The following HECTD3 variants were observed in gnomAD, a reference collection of about 807,000 sequenced individuals.
The protein encoded by HECTD3 is HECT domain E3 ubiquitin protein ligase 3.
A neutral mutation model predicts 109.3 loss-of-function variants in HECTD3; 72 were observed. The ratio of observed to expected loss-of-function variants is 0.66; its 90% CI spans 0.54 to 0.80. The LOEUF (loss-of-function observed/expected upper bound fraction) is 0.80. Ranked by LOEUF, HECTD3 falls within the 30% of genes least tolerant of loss-of-function variation. HECTD3 has a pLI of 0.00. For missense variants in HECTD3, 1,041 were observed against 1,165.2 expected, an observed-to-expected ratio of 0.89 and a Z score of 1.55; for synonymous variants, 481 against 471.8, an observed-to-expected ratio of 1.02 and a Z score of -0.25.
In HECTD3 at chr1:45,007,260, G is replaced by A. The variant is rs372649829; in HGVS notation, c.1515C>T (p.Gly505=). The A allele has an allele frequency of 4.3e-6, 7 of 1,613,402 alleles. No homozygotes were observed. In the African/African-American group the frequency reaches 6.7e-5, roughly 15 times the overall value. Residue 505 remains glycine, a synonymous_variant, in exon 11 of 21, where the codon GGC becomes GGT. Coordinates refer to ENST00000372172, the MANE Select transcript of HECTD3 (RefSeq NM_024602.6). ...TTTCATATTTGTCAGAGGGCTTGAG[G>A]CCTTCATATACCTGGAGGCAAGGAG... ...KNAVFTQVYE[G]LKPSDKYEKP... is the part of the protein sequence containing the mutation.
At chr1:45,007,370 C>T in intron 10 of HECTD3, 43 bp downstream of exon 10, 6 of 1,611,174 alleles carry the variant, frequency 3.7e-6, no homozygotes, top group South Asian at 1.1e-5. Context: ...CCCCCTTGGC[C>T]CTTGACTGAT....
chr1:45,010,676 C>G lies in HECTD3; in HGVS notation c.400G>C (p.Gly134Arg), dbSNP rs901783974. The G allele has an allele frequency of 1.9e-6, 3 of 1,574,558 alleles. No individual in the cohort carries two copies. The highest frequency in any genetic ancestry group is 2.6e-6 in the Non-Finnish European group (3 of 1,165,014). ...EQLAEHLGDC[G>R]LQEGWLLVCR... ...ACCAGCAGCCAGCCTTCCTGCAGCC[C>G]GCAGTCGCCCAGGTGCTCTGCCAGC... Residue 134 changes from glycine to arginine, a missense_variant, in exon 2 of 21, where the codon GGG (glycine) becomes CGG (arginine). Physicochemically the swap from Gly to Arg is moderately radical, Grantham distance 125. Coordinates refer to ENST00000372172, the MANE Select transcript of HECTD3 (RefSeq NM_024602.6).
chr1:45,004,167 G>A, intron 17 of HECTD3, 33 bp from the exon 18 acceptor site: 1 of 1,614,126 alleles, frequency 6.2e-7, no homozygotes, highest in East Asian at 2.2e-5. Context: ...TCATTCTTGG[G>A]TCTCATCTTG....
intron 9 of HECTD3, 43 bp from the exon 10 acceptor site, chr1:45,007,638 A>G: frequency 6.4e-7 from 1 of 1,557,956 alleles, no homozygotes. Flanking sequence ...GTGGGCAGTC[A>G]GCCTCCGTCC....
intron 18 of HECTD3, 41 bp downstream of exon 18, chr1:45,004,019 A>C (rs1416819765): frequency 1.2e-6 from 2 of 1,613,390 alleles, no homozygotes; most frequent in African/African-American, 2.7e-5. Context: ...ACTCAGCAGC[A>C]GAGTCCAAAC....
At position 45,005,899 on chromosome 1, in the gene HECTD3, T is replaced by G; in HGVS notation, c.1846-16A>C. On this transcript the variant is annotated splice_polypyrimidine_tract_variant and intron_variant, in intron 14 of 20. Coordinates refer to ENST00000372172, the MANE Select transcript of HECTD3 (RefSeq NM_024602.6). Reference sequence around the variant, plus strand: ...GGGCCAGGACCTGTGTGACAAACACTCCCCACTGTCTTCTCACCCTGAGCT... The same window carrying G: ...GGGCCAGGACCTGTGTGACAAACACGCCCCACTGTCTTCTCACCCTGAGCT... 6.2e-7 allele frequency: 1 copy of G among 1,604,222 alleles called. No individual in the cohort carries two copies. Among genetic ancestry groups the G allele is most frequent in the Non-Finnish European group, 8.5e-7 (1 of 1,175,166 alleles).
chr1:45,007,122 G>A lies in HECTD3; in HGVS notation c.1556+97C>T, dbSNP rs558890611. 41 of 1,479,618 alleles carry A rather than the reference G, an allele frequency of 2.8e-5. No individual in the cohort carries two copies. The South Asian group carries it at 4.7e-4, about 17-fold the overall frequency. 91.7% of individuals were successfully genotyped at this position (1,479,618 alleles called of 1,614,324 possible). On this transcript the variant is annotated intron_variant, in intron 11 of 20. Transcript: ENST00000372172. The stretch of plus-strand genomic sequence containing the variant: ...GCAGTCATGGCGAGGGGTGCCTCGA[G>A]CAGTTGTGTGTGTGTGTGTGTGTGT...
At chr1:45,007,308 G>T in intron 10 of HECTD3, 37 bp from the exon 11 acceptor site, 1 of 1,607,700 alleles carries the variant, frequency 6.2e-7, no homozygotes, top group South Asian at 1.1e-5. Context: ...AGGAAAGCAA[G>T]ACCTGGCCCT....
intron 9 of HECTD3, among the ~76,000 whole-genome samples, 189 bp downstream of exon 9, chr1:45,008,051 T>C: frequency 6.6e-6 from 1 of 152,222 alleles, no homozygotes; most frequent in East Asian, 1.9e-4. Flanking sequence ...CACTCTGGAA[T>C]ACCAAGGAGG....
chr1:45,008,204 G>A, intron 9 of HECTD3, 36 bp downstream of exon 9: 1 of 1,528,006 alleles, frequency 6.5e-7, no homozygotes, highest in South Asian at 1.1e-5. Context: ...GCAGGAAGGG[G>A]AAATGCCAAG....
At position 45,010,953 on chromosome 1, in the gene HECTD3, G is replaced by C. The variant is rs763048738; in HGVS notation, c.305C>G (p.Ala102Gly). 1 of 1,536,272 alleles carries C rather than the reference G, an allele frequency of 6.5e-7. No individual in the cohort carries two copies. The highest frequency in any genetic ancestry group is 8.7e-7 in the Non-Finnish European group (1 of 1,154,636). ...CTCCTCGCCCGTGGTGCGCACGCAG[G>C]CGCCGCGCCGGAGCTCAATGCTGTC... ...ARDSIELRRG[A>G]CVRTTGEELC... is the part of the protein sequence containing the mutation. Residue 102 changes from alanine (A) to glycine (G), a missense_variant, in exon 1 of 21, where the codon GCC (alanine) becomes GGC (glycine). By Grantham distance (60) the Ala-to-Gly change is moderately conservative. Transcript: ENST00000372172.
chr1:45,010,480 G>T (rs1644778780), intron 2 of HECTD3, 66 bp downstream of exon 2: 3 of 1,594,682 alleles, frequency 1.9e-6, no homozygotes, highest in African/African-American at 1.3e-5. Context: ...GGCTGTGGCT[G>T]AAGTGTTCCC....
chr1:45,005,914 C>T (rs781278533), intron 14 of HECTD3, 31 bp from the exon 15 acceptor site: 7 of 1,604,980 alleles, frequency 4.4e-6, no homozygotes, highest in South Asian at 1.1e-5. Flanking sequence ...ACTGTCTTCT[C>T]ACCCTGAGCT....
intron 16 of HECTD3, 65 bp downstream of exon 16, chr1:45,004,535 G>A: frequency 6.2e-7 from 1 of 1,600,694 alleles, no homozygotes; most frequent in Non-Finnish European, 8.6e-7. Flanking sequence ...GCTGTGTTCT[G>A]GGTCCCAGGA....
At position 45,010,573 on chromosome 1, in the gene HECTD3, A is replaced by C. The variant is rs562792696; in HGVS notation, c.503T>G (p.Phe168Cys). 1 of 1,613,694 alleles carries C rather than the reference A, an allele frequency of 6.2e-7. No homozygotes were observed. The highest frequency in any genetic ancestry group is 1.3e-5 in the African/African-American group (1 of 75,054). Reference sequence around the variant, plus strand: ...GAGCACCGGCCGATAATCCACGCCAAAGAGCTGCTGCTGCCGCTGGAGGTG... The same window carrying C: ...GAGCACCGGCCGATAATCCACGCCACAGAGCTGCTGCTGCCGCTGGAGGTG... ...PNHLQRQQQL[F>C]GVDYRPVLRW... Residue 168 changes from phenylalanine (F) to cysteine (C), a missense_variant, in exon 2 of 21, where the codon TTT becomes TGT. Physicochemically the swap from Phe to Cys is radical, Grantham distance 205 (BLOSUM62 -2). Around this residue, in one of 2 missense-constraint regions of HECTD3, gnomAD observed 472 missense variants for 449.9 expected, o/e 1.05. Coordinates refer to ENST00000372172, the MANE Select transcript of HECTD3 (RefSeq NM_024602.6).
rs756845080 is a variant in HECTD3 at position 45,005,888 on chromosome 1, G to GT, written c.1846-6dup. ...AAAACCAGGCAGGGCCAGGACCTGTGTGACAAACACTCCCCACTGTCTTCT... is the reference window on the plus strand; with the variant it reads ...AAAACCAGGCAGGGCCAGGACCTGTGTTGACAAACACTCCCCACTGTCTTCT... On this transcript the variant is annotated splice_region_variant and splice_polypyrimidine_tract_variant and intron_variant, in intron 14 of 20. Transcript: ENST00000372172. The GT allele has an allele frequency of 6.2e-7, 1 of 1,605,346 alleles. No individual in the cohort carries two copies. The highest frequency in any genetic ancestry group is 1.3e-5 in the African/African-American group (1 of 74,828).
At chr1:45,009,322 T>C in intron 6 of HECTD3, 47 bp downstream of exon 6, 1 of 1,557,148 alleles carries the variant, frequency 6.4e-7, no homozygotes, top group African/African-American at 1.4e-5. Flanking sequence ...CAAGCTGGGC[T>C]AGGCTTGGAA....
chr1:45,002,940 GGA>G lies in HECTD3; in HGVS notation c.*550_*551del, dbSNP rs1157838750. 2 of 158,816 alleles carry G rather than the reference GGA, an allele frequency of 1.3e-5. No homozygotes were observed. The highest frequency in any genetic ancestry group is 4.8e-5 in the African/African-American group (2 of 41,504). 9.8% of individuals were successfully genotyped at this position (158,816 alleles called of 1,614,324 possible). ...AGCTCACCACATCTCTGGTATGGAG[GGA>G]GAGGGGAAAAGAGCAGAATGTGAGG... On this transcript the variant is annotated 3_prime_UTR_variant, in exon 21 of 21. Coordinates refer to ENST00000372172, the MANE Select transcript of HECTD3 (RefSeq NM_024602.6).
At chr1:45,007,755 G>A (rs1411144646) in intron 9 of HECTD3, among the ~76,000 whole-genome samples, 160 bp from the exon 10 acceptor site, 2 of 152,116 alleles carry the variant, frequency 1.3e-5, no homozygotes, top group African/African-American at 2.4e-5. Context: ...CAGCCACCAG[G>A]GAGAGCTTTC....
Sources: gnomAD v4.1 joint callset for allele counts (sites outside exome capture counted in the v4.1 genomes callset) on GRCh38, gnomAD v4.1.1 for gene constraint, gnomAD v4.1.1 regional missense constraint, MANE v1.5 for transcripts, NCBI Gene and HGNC (gene_info 2026-07-23, HGNC 2026-07-21) for gene names.